NEGR1: variants seen among roughly 807,000 people sequenced by gnomAD.
NEGR1 encodes IgLON family member 4.
NEGR1 carries 10 observed loss-of-function variants against 40.9 expected under a neutral mutation model. The ratio of observed to expected loss-of-function variants is 0.24; its 90% CI spans 0.15 to 0.42. The LOEUF (loss-of-function observed/expected upper bound fraction) is 0.42, where lower values mean the gene tolerates loss of function less well. Ranked by LOEUF, NEGR1 falls within the 10% of genes least tolerant of loss-of-function variation. NEGR1 has a pLI of 1.00. For synonymous variants in NEGR1, 185 were observed against 166.8 expected (o/e 1.11, Z -0.84); for missense variants, 352 against 438.9 (o/e 0.80, Z 1.77).
At chr1:71,478,502 G>A (rs1446439774) in intron 6 of NEGR1, among the ~76,000 whole-genome samples, 7 of 152,100 alleles carry the variant, frequency 4.6e-5, no homozygotes, top group East Asian at 1.9e-4. Flanking sequence ...CTTAGTGGCC[G>A]TCTCTTTCTC....
At chr1:71,502,325 C>A (rs960299277) in intron 6 of NEGR1, among the ~76,000 whole-genome samples, 1 of 152,130 alleles carries the variant, frequency 6.6e-6, no homozygotes, top group African/African-American at 2.4e-5. Flanking sequence ...AGGAAGATTG[C>A]AACCCCATAG....
intron 6 of NEGR1, among the ~76,000 whole-genome samples, chr1:71,587,729 A>G (rs2101514098): frequency 6.6e-6 from 1 of 152,168 alleles, no homozygotes; most frequent in South Asian, 2.1e-4. Flanking sequence ...TAGAACCTAT[A>G]CTACAGTAAA....
intron 6 of NEGR1, among the ~76,000 whole-genome samples, chr1:71,550,183 TG>T (rs1221232794): frequency 2.0e-5 from 3 of 151,742 alleles, no homozygotes; most frequent in Middle Eastern, 3.4e-3. Context: ...TCATGTGTTG[TG>T]AGGAGCCCCC....
At position 71,698,135 on chromosome 1, in the gene NEGR1, T is replaced by G; in HGVS notation, c.540A>C (p.Lys180Asn). The G allele has an allele frequency of 6.2e-7, 1 of 1,609,630 alleles. No individual in the cohort carries two copies. The highest frequency in any genetic ancestry group is 8.5e-7 in the Non-Finnish European group (1 of 1,177,356). ...ISWRHISPSA[K>N]PFENGQYLDI... The stretch of plus-strand genomic sequence containing the variant: ...CCAAATATTGTCCATTTTCAAATGG[T>G]TTTGCTATAAAAAAGAATACAGCAT... The change falls in exon 4 of 7, where the codon AAA becomes AAC. Residue 180 changes from lysine to asparagine, a missense_variant. Coordinates refer to ENST00000357731, the MANE Select transcript of NEGR1 (RefSeq NM_173808.3).
At chr1:71,934,615 G>C (rs1376507169) in intron 2 of NEGR1, among the ~76,000 whole-genome samples, 3 of 152,060 alleles carry the variant, frequency 2.0e-5, no homozygotes, top group Non-Finnish European at 4.4e-5. Context: ...ATCTATTGTA[G>C]GTTTCAAACA....
chr1:72,148,763 A>G (rs1651008324), intron 1 of NEGR1, among the ~76,000 whole-genome samples: 2 of 152,066 alleles, frequency 1.3e-5, no homozygotes, highest in Non-Finnish European at 2.9e-5. Flanking sequence ...CATAACAACA[A>G]TCACCTTTGC....
chr1:71,948,288 A>G (rs1290066467), intron 1 of NEGR1, among the ~76,000 whole-genome samples: 1 of 152,046 alleles, frequency 6.6e-6, no homozygotes, highest in East Asian at 1.9e-4. Context: ...TATCGTTTGT[A>G]TTTAGTCAAT....
chr1:71,714,075 A>G (rs963141135), intron 3 of NEGR1, among the ~76,000 whole-genome samples: 1 of 152,122 alleles, frequency 6.6e-6, no homozygotes, highest in African/African-American at 2.4e-5. Flanking sequence ...GGTTTAATTG[A>G]CTCACAGTTC....
chr1:71,922,536 T>C (rs1468200927), intron 2 of NEGR1, among the ~76,000 whole-genome samples: 1 of 152,226 alleles, frequency 6.6e-6, no homozygotes, highest in African/African-American at 2.4e-5. Flanking sequence ...GTTATATCCT[T>C]TTCACATAGA....
At chr1:71,592,718 G>T in intron 6 of NEGR1, 99 bp downstream of exon 6, 2 of 902,574 alleles carry the variant, frequency 2.2e-6, no homozygotes, top group Non-Finnish European at 3.4e-6. Flanking sequence ...ATCAGGTTGA[G>T]TTTTAAAATG....
intron 1 of NEGR1, among the ~76,000 whole-genome samples, chr1:72,135,375 C>CAAAAAAAAAAAAAAAAAAAAAAAAAAA (rs71074819): frequency 1.4e-5 from 1 of 71,384 alleles, no homozygotes; most frequent in East Asian, 4.9e-4. Flanking sequence ...GACTCCGTCT[C>CAAAAAAAAAAAAAAAAAAAAAAAAAAA]AAAAAAAAAA....
chr1:72,118,204 C>T (rs1029056470), intron 1 of NEGR1, among the ~76,000 whole-genome samples: 1 of 151,602 alleles, frequency 6.6e-6, no homozygotes, highest in Admixed American at 6.6e-5. Context: ...TTTGAAATAC[C>T]CCTTATTAGG....
chr1:71,882,149 T>C (rs1660599588), intron 2 of NEGR1, among the ~76,000 whole-genome samples: 1 of 152,122 alleles, frequency 6.6e-6, no homozygotes, highest in Non-Finnish European at 1.5e-5. Context: ...CAAAATGGAC[T>C]GTCATCTAAA....
intron 3 of NEGR1, among the ~76,000 whole-genome samples, chr1:71,743,411 T>C (rs2101678682): frequency 6.6e-6 from 1 of 152,172 alleles, no homozygotes; most frequent in South Asian, 2.1e-4. Flanking sequence ...TCATTGGTTT[T>C]TTTTTTTTCC....
intron 1 of NEGR1, among the ~76,000 whole-genome samples, chr1:72,214,883 T>C (rs1653742801): frequency 6.6e-6 from 1 of 151,286 alleles, no homozygotes; most frequent in East Asian, 1.9e-4. Flanking sequence ...AAATTTCATA[T>C]GGAACCAAAA....
chr1:72,214,853 A>G (rs1164683039), intron 1 of NEGR1, among the ~76,000 whole-genome samples: 1 of 83,408 alleles, frequency 1.2e-5, no homozygotes, highest in African/African-American at 4.4e-5. Context: ...AATTAGCGAA[A>G]AAAAAAAAAA....
At chr1:71,883,621 A>ACC (rs1660642129) in intron 2 of NEGR1, among the ~76,000 whole-genome samples, 1 of 152,072 alleles carries the variant, frequency 6.6e-6, no homozygotes, top group African/African-American at 2.4e-5. Context: ...ACATGTGCAC[A>ACC]ACGTGCAGGT....
At chr1:71,609,082 A>T (rs1650158426) in intron 5 of NEGR1, among the ~76,000 whole-genome samples, 1 of 152,200 alleles carries the variant, frequency 6.6e-6, no homozygotes, top group African/African-American at 2.4e-5. Flanking sequence ...GGAGTCTTCT[A>T]CTAAGCTATA....
intron 1 of NEGR1, among the ~76,000 whole-genome samples, chr1:72,017,902 A>C (rs575663858): frequency 1.3e-5 from 2 of 152,270 alleles, no homozygotes; most frequent in South Asian, 2.1e-4. Context: ...AAAATTATTT[A>C]AAGAACTTAC....
Sources: gnomAD v4.1 joint callset for allele counts (sites outside exome capture counted in the v4.1 genomes callset) on GRCh38, gnomAD v4.1.1 for gene constraint, MANE v1.5 for transcripts, NCBI Gene and HGNC (gene_info 2026-07-23, HGNC 2026-07-21) for gene names.